APBB2: variants seen among roughly 807,000 people sequenced by gnomAD.
The protein encoded by APBB2 is Fe65-like 1.
Under a neutral mutation model 82.5 loss-of-function variants are expected in APBB2, and 38 were observed. That is an observed-to-expected ratio of 0.46 (90% CI 0.36 to 0.60). The LOEUF is 0.60. APBB2 is among the 20% of genes least tolerant of loss of function. The probability of loss-of-function intolerance (pLI) is 0.00; values close to 1 mark genes in which losing one functional copy is unlikely to be tolerated. For missense variants in APBB2, 772 were observed against 972.3 expected, an observed-to-expected ratio of 0.79 and a Z score of 2.74; for synonymous variants, 341 against 368.2, an observed-to-expected ratio of 0.93 and a Z score of 0.85.
At chr4:41,156,619 C>A (rs1301335251) in intron 1 of APBB2, among the ~76,000 whole-genome samples, 1 of 152,122 alleles carries the variant, frequency 6.6e-6, no homozygotes, top group Admixed American at 6.5e-5. Flanking sequence ...TCTGAGTACA[C>A]AATTGTCTTT....
chr4:41,083,447 T>C (rs1265361373), intron 3 of APBB2, among the ~76,000 whole-genome samples: 1 of 151,920 alleles, frequency 6.6e-6, no homozygotes, highest in African/African-American at 2.4e-5. Context: ...TCTCAGCACT[T>C]TGGGAGGCCA....
chr4:40,840,636 C>T (rs573038900), intron 12 of APBB2, among the ~76,000 whole-genome samples: 3 of 152,218 alleles, frequency 2.0e-5, no homozygotes, highest in East Asian at 1.9e-4. Flanking sequence ...TTTTAGCCTC[C>T]GAAAGGAGTA....
At chr4:41,078,052 C>T (rs752207727) in intron 3 of APBB2, among the ~76,000 whole-genome samples, 32 of 152,140 alleles carry the variant, frequency 2.1e-4, no homozygotes, top group Non-Finnish European at 3.4e-4. Flanking sequence ...TAACAGTATC[C>T]TGCATAGCTC....
intron 6 of APBB2, among the ~76,000 whole-genome samples, chr4:40,957,548 T>A (rs1791970044): frequency 6.6e-6 from 1 of 151,892 alleles, no homozygotes; most frequent in Non-Finnish European, 1.5e-5. Context: ...TTTAAGACAT[T>A]CTTGATGGGG....
intron 1 of APBB2, among the ~76,000 whole-genome samples, chr4:41,155,632 C>T (rs1162446237): frequency 6.6e-6 from 1 of 152,236 alleles, no homozygotes; most frequent in South Asian, 2.1e-4. Context: ...ACAGACGAGA[C>T]AGTCAGGCAG....
intron 3 of APBB2, among the ~76,000 whole-genome samples, chr4:41,077,675 T>C (rs1229186632): frequency 6.6e-6 from 1 of 152,148 alleles, no homozygotes; most frequent in Non-Finnish European, 1.5e-5. Flanking sequence ...TTTTGACACA[T>C]GCCAGATCTC....
At position 40,810,892 on chromosome 4, in the gene APBB2, G is replaced by A. The variant is rs542553847; in HGVS notation, c.*5200C>T. 6.6e-6 allele frequency: 1 copy of A among 152,186 alleles called. No homozygotes were observed. Among genetic ancestry groups the A allele is most frequent in the Non-Finnish European group, 1.5e-5 (1 of 68,034 alleles). The allele number at this position is 152,186 out of a possible 1,614,324, so 9.4% of individuals were successfully genotyped here. On this transcript the variant is annotated 3_prime_UTR_variant, in exon 18 of 18. Coordinates refer to ENST00000508593, the MANE Select transcript of APBB2 (RefSeq NM_004307.2). ...ATATTGTTCAGTAAAGAATCCCATTGTGTATCATAAGAATCCCTTATCCTT... is the reference window on the plus strand; with the variant it reads ...ATATTGTTCAGTAAAGAATCCCATTATGTATCATAAGAATCCCTTATCCTT...
intron 10 of APBB2, among the ~76,000 whole-genome samples, chr4:40,903,037 A>C (rs1775755733): frequency 6.6e-6 from 1 of 152,090 alleles, no homozygotes; most frequent in African/African-American, 2.4e-5. Context: ...CAGCTACTAG[A>C]GAGGCTGAGG....
intron 6 of APBB2, among the ~76,000 whole-genome samples, chr4:41,012,850 A>G (rs1808779128): frequency 6.6e-6 from 1 of 152,214 alleles, no homozygotes; most frequent in African/African-American, 2.4e-5. Context: ...AGTGGGAGCT[A>G]TAAGAAAATG....
chr4:40,928,415 C>T (rs925813011), intron 10 of APBB2, among the ~76,000 whole-genome samples: 193 of 87,804 alleles, frequency 2.2e-3, no homozygotes, highest in African/African-American at 8.2e-3. Context: ...CACACACACA[C>T]ACACACACAC....
At chr4:41,185,476 T>C (rs1409317706) in intron 1 of APBB2, among the ~76,000 whole-genome samples, 1 of 152,258 alleles carries the variant, frequency 6.6e-6, no homozygotes, top group African/African-American at 2.4e-5. Context: ...TAGTAACTGT[T>C]CAATCACTCT....
chr4:40,914,320 C>T (rs545181931), intron 10 of APBB2, among the ~76,000 whole-genome samples: 1 of 152,126 alleles, frequency 6.6e-6, no homozygotes, highest in East Asian at 1.9e-4. Context: ...TTGCAGGGAG[C>T]CGAGATCACA....
chr4:41,095,291 G>A (rs1743122547), intron 3 of APBB2, among the ~76,000 whole-genome samples: 1 of 152,216 alleles, frequency 6.6e-6, no homozygotes, highest in South Asian at 2.1e-4. Context: ...TCTTAGTACA[G>A]TTCCCAGCAC....
Position 41,057,033 on chromosome 4 carries a change from T to C in APBB2, c.-51+8543A>G, listed in dbSNP as rs181748655. On this transcript the variant is annotated intron_variant, in intron 4 of 17. Coordinates refer to ENST00000508593, the MANE Select transcript of APBB2 (RefSeq NM_004307.2). ...GAGGGGGATCAACTTTCCCAAAAAT[T>C]GGACACTCCTAGGGAGGAATTCAGG... is the stretch of plus-strand genomic sequence containing the variant. Among the ~76,000 whole-genome samples the C allele has an allele frequency of 1.7e-3, 266 of 152,302 alleles. 6 individuals are homozygous for C. The highest frequency in any genetic ancestry group is 0.016 in the Admixed American group (248 of 15,296).
chr4:41,011,105 C>T (rs1408124698), intron 6 of APBB2, among the ~76,000 whole-genome samples: 1 of 151,016 alleles, frequency 6.6e-6, no homozygotes, highest in Non-Finnish European at 1.5e-5. Context: ...ATTCTAAAAA[C>T]ATCATCACAA....
intron 2 of APBB2, among the ~76,000 whole-genome samples, chr4:41,124,656 A>T (rs1358648948): frequency 1.3e-5 from 2 of 152,212 alleles, no homozygotes; most frequent in African/African-American, 4.8e-5. Context: ...TTGTCTTGAT[A>T]AAATACATTC....
At chr4:40,901,392 T>A (rs1775237673) in intron 10 of APBB2, among the ~76,000 whole-genome samples, 1 of 149,056 alleles carries the variant, frequency 6.7e-6, no homozygotes, top group Non-Finnish European at 1.5e-5. Context: ...TGAGCATCAA[T>A]AAAGATACCC....
rs551354612 is a variant in APBB2, at chr4:40,977,660, C to CTA, written c.836-32589_836-32588dup. Among the ~76,000 whole-genome samples, 20 of 152,164 alleles carry CTA rather than the reference C, an allele frequency of 1.3e-4. No individual in the cohort carries two copies. The South Asian group carries it at 1.7e-3, about 13-fold the overall frequency. On this transcript the variant is annotated intron_variant, in intron 6 of 17. Transcript: ENST00000508593. ...TGTGTTTTAATAGTCTCAAGAGCGT[C>CTA]TATATATATTAATATTTGAAAAAGA...
chr4:41,019,180 C>T (rs1262188425), intron 5 of APBB2, among the ~76,000 whole-genome samples: 7 of 152,028 alleles, frequency 4.6e-5, no homozygotes, highest in African/African-American at 1.5e-4. Context: ...CCCAGGTTTA[C>T]GGGAGGGACT....
Sources: gnomAD v4.1 joint callset for allele counts (sites outside exome capture counted in the v4.1 genomes callset) on GRCh38, gnomAD v4.1.1 for gene constraint, MANE v1.5 for transcripts, NCBI Gene and HGNC (gene_info 2026-07-23, HGNC 2026-07-21) for gene names.